Variants in EMCN observed in about 807,000 individuals in gnomAD.
EMCN encodes endomucin, also known as MUC-14.
In EMCN, 37 loss-of-function variants were observed where a neutral mutation model predicts 38.4. That is an observed-to-expected ratio of 0.96 (90% CI 0.74 to 1.27). The LOEUF (loss-of-function observed/expected upper bound fraction) is 1.27. Among genes scored for constraint, EMCN ranks in the 50% most tolerant of loss-of-function variants. EMCN has a pLI of 0.00. For synonymous variants in EMCN, 95 were observed against 100.8 expected (o/e 0.94, Z 0.35); for missense variants, 318 against 302.8 (o/e 1.05, Z -0.37).
At chr4:100,477,432 G>C (rs1279807730) in intron 2 of EMCN, among the ~76,000 whole-genome samples, 1 of 152,120 alleles carries the variant, frequency 6.6e-6, no homozygotes, top group Admixed American at 6.5e-5. Flanking sequence ...TCTCTAATTG[G>C]GTGAATCTCT....
chr4:100,437,091 T>C (rs574696633), intron 5 of EMCN, among the ~76,000 whole-genome samples: 62 of 152,298 alleles, frequency 4.1e-4, no homozygotes, highest in Non-Finnish European at 8.2e-4. Flanking sequence ...CAAAATGTGT[T>C]ATCTTTTGAC....
chr4:100,512,522 G>A (rs1042356571), intron 1 of EMCN, among the ~76,000 whole-genome samples: 2 of 152,094 alleles, frequency 1.3e-5, no homozygotes, highest in Admixed American at 1.3e-4. Flanking sequence ...TTCCTATTCT[G>A]AGCTGGGCAT....
At position 100,409,756 on chromosome 4, in the gene EMCN, G is replaced by C. The variant is rs193258719; in HGVS notation, c.*39+526C>G. On this transcript the variant is annotated intron_variant, in intron 11 of 11. Transcript: ENST00000296420. ...GAGAAAAATATAAGGACCATATTCT[G>C]GTATGGTCCTTATAGAGAGAGGGCA... Among the ~76,000 whole-genome samples, 218 of 152,250 alleles carry C rather than the reference G, an allele frequency of 1.4e-3. 1 individual carries two copies. The highest frequency in any genetic ancestry group is 5.0e-3 in the African/African-American group (206 of 41,556).
In EMCN at chr4:100,397,844, GTAGT is replaced by G. The variant is rs1484886145; in HGVS notation, c.*565_*568del. On this transcript the variant is annotated 3_prime_UTR_variant, in exon 12 of 12. Transcript: ENST00000296420. Reference sequence around the variant, plus strand: ...TAGTATTTTTAGAGTATTGAGTACAGTAGTTATTTATTAAAAGTAACACGAAAGC... The same window carrying G: ...TAGTATTTTTAGAGTATTGAGTACAGTATTTATTAAAAGTAACACGAAAGC... The G allele has an allele frequency of 2.0e-5, 3 of 152,040 alleles. No homozygotes were observed. Among genetic ancestry groups the G allele is most frequent in the Non-Finnish European group, 4.4e-5 (3 of 68,010 alleles). The allele number at this position is 152,040 out of a possible 1,614,324, so 9.4% of individuals were successfully genotyped here.
intron 1 of EMCN, among the ~76,000 whole-genome samples, chr4:100,494,340 C>T (rs1729158237): frequency 6.6e-6 from 1 of 152,136 alleles, no homozygotes; most frequent in Non-Finnish European, 1.5e-5. Context: ...AATGAGCCTA[C>T]ACTGAACATT....
intron 5 of EMCN, among the ~76,000 whole-genome samples, chr4:100,444,151 T>C (rs1392794604): frequency 2.0e-5 from 3 of 152,016 alleles, no homozygotes; most frequent in Non-Finnish European, 2.9e-5. Flanking sequence ...AGGGGTGTAG[T>C]GCAATTTTGG....
intron 1 of EMCN, among the ~76,000 whole-genome samples, chr4:100,498,678 G>A (rs190283467): frequency 1.3e-5 from 2 of 152,164 alleles, no homozygotes; most frequent in Middle Eastern, 3.4e-3. Context: ...CTGACCTCAG[G>A]TGATCCACCC....
intron 11 of EMCN, among the ~76,000 whole-genome samples, chr4:100,408,463 C>T (rs1426667090): frequency 6.6e-6 from 1 of 152,100 alleles, no homozygotes; most frequent in Non-Finnish European, 1.5e-5. Context: ...GAGTTCTTGT[C>T]CTTGGTTTTA....
intron 3 of EMCN, among the ~76,000 whole-genome samples, chr4:100,473,242 G>A (rs1728528076): frequency 6.7e-6 from 1 of 150,292 alleles, no homozygotes; most frequent in African/African-American, 2.4e-5. Context: ...GGTTAGGCTG[G>A]TCTTGAACTC....
chr4:100,494,005 T>C (rs1399216010), intron 1 of EMCN, among the ~76,000 whole-genome samples: 1 of 152,168 alleles, frequency 6.6e-6, no homozygotes, highest in African/African-American at 2.4e-5. Flanking sequence ...ATATACCAGT[T>C]CTAAGTGCTG....
intron 3 of EMCN, among the ~76,000 whole-genome samples, chr4:100,471,209 A>G (rs1728468493): frequency 6.6e-6 from 1 of 151,972 alleles, no homozygotes; most frequent in Admixed American, 6.6e-5. Context: ...CTATGCTGAT[A>G]AAGAAATAAG....
intron 1 of EMCN, among the ~76,000 whole-genome samples, chr4:100,488,998 T>A (rs1051744341): frequency 2.0e-5 from 3 of 152,196 alleles, no homozygotes; most frequent in Non-Finnish European, 4.4e-5. Context: ...TTACTTTTAT[T>A]TACATTATTT....
intron 3 of EMCN, among the ~76,000 whole-genome samples, chr4:100,468,232 A>C (rs561286819): frequency 2.0e-4 from 30 of 152,352 alleles, no homozygotes; most frequent in African/African-American, 7.2e-4. Flanking sequence ...TCCTTAGGTG[A>C]AAACCACTGC....
chr4:100,421,327 A>G lies in EMCN; in HGVS notation c.619T>C (p.Phe207Leu), dbSNP rs199935883. The part of the protein sequence containing the change: ...IALIVITLSV[F>L]VLVGLYRMCW... The stretch of plus-strand genomic sequence containing the variant: ...ATTCGGTACAAACCCACCAGAACAA[A>G]TACTGAAAGTGTTATTACAATCAAA... The change falls in exon 8 of 12, where the codon TTT becomes CTT. Residue 207 changes from phenylalanine (F) to leucine (L), a missense_variant. By Grantham distance (22) the Phe-to-Leu change is conservative. Transcript: ENST00000296420. The G allele has an allele frequency of 1.1e-5, 18 of 1,612,952 alleles. No individual in the cohort carries two copies. The highest frequency in any genetic ancestry group is 2.5e-6 in the Non-Finnish European group (3 of 1,179,170).
chr4:100,464,240 A>T (rs1728256502), intron 4 of EMCN, among the ~76,000 whole-genome samples: 1 of 151,698 alleles, frequency 6.6e-6, no homozygotes, highest in South Asian at 2.1e-4. Flanking sequence ...TTATTTTAAT[A>T]TATTTTATAT....
intron 4 of EMCN, among the ~76,000 whole-genome samples, chr4:100,457,781 A>G (rs1052691547): frequency 6.6e-6 from 1 of 152,088 alleles, no homozygotes; most frequent in Admixed American, 6.6e-5. Flanking sequence ...GTTTTTGTGA[A>G]TGATTTTGGT....
chr4:100,487,466 A>G (rs1022865227), intron 1 of EMCN, among the ~76,000 whole-genome samples: 52 of 152,166 alleles, frequency 3.4e-4, no homozygotes, highest in African/African-American at 1.2e-3. Context: ...GTAGGAGAGG[A>G]TGCAGTTCCT....
chr4:100,515,259 G>T (rs1729723159), intron 1 of EMCN, among the ~76,000 whole-genome samples: 1 of 152,054 alleles, frequency 6.6e-6, no homozygotes, highest in South Asian at 2.1e-4. Context: ...AGCCCTGAAA[G>T]TCAAAAGCTC....
Position 100,423,038 on chromosome 4 carries a change from G to T in EMCN, c.551C>A (p.Thr184Asn). Residue 184 changes from threonine (T) to asparagine (N), a missense_variant, in exon 7 of 12, where the codon ACC becomes AAC. Transcript: ENST00000296420. ...EGGKNASTSATSRSYSSIILP... is the reference protein window; with the variant it reads ...EGGKNASTSANSRSYSSIILP... ...TTACTCACTGGAATAAGACCGGCTG[G>T]TTGCTGAAGTGCTTGCATTTTTTCC... 1 of 1,612,944 alleles carries T rather than the reference G, an allele frequency of 6.2e-7. No homozygotes were observed. The highest frequency in any genetic ancestry group is 8.5e-7 in the Non-Finnish European group (1 of 1,179,356).
Sources: allele counts gnomAD v4.1 joint callset (sites outside exome capture counted in the v4.1 genomes callset), GRCh38; gene constraint gnomAD v4.1.1; transcripts MANE v1.5; gene names NCBI Gene and HGNC (gene_info 2026-07-23, HGNC 2026-07-21).